Variants in DPYSL3 observed in about 807,000 individuals in gnomAD.
DPYSL3 encodes dihydropyrimidinase-related protein 3.
Under a neutral mutation model 66.1 loss-of-function variants are expected in DPYSL3, and 16 were observed. That is an observed-to-expected ratio of 0.24 (90% CI 0.16 to 0.37). DPYSL3 has a LOEUF of 0.37. DPYSL3 is among the 10% of genes least tolerant of loss of function. The pLI is 1.00. For missense variants in DPYSL3, 738 were observed against 916.2 expected (o/e 0.81, Z 2.51); for synonymous variants, 338 against 345.1 (o/e 0.98, Z 0.23).
At chr5:147,504,595 A>G (rs1753659551) in intron 1 of DPYSL3, among the ~76,000 whole-genome samples, 1 of 152,270 alleles carries the variant, frequency 6.6e-6, no homozygotes, top group South Asian at 2.1e-4. Flanking sequence ...TGTGCAGGAT[A>G]AAGAGGAGAA....
At chr5:147,500,932 C>T (rs1753597915) in intron 1 of DPYSL3, among the ~76,000 whole-genome samples, 1 of 152,176 alleles carries the variant, frequency 6.6e-6, no homozygotes, top group South Asian at 2.1e-4. Flanking sequence ...ACTAAATGTG[C>T]TCTCACCATG....
intron 1 of DPYSL3, among the ~76,000 whole-genome samples, chr5:147,481,131 G>T (rs1017712834): frequency 1.1e-4 from 16 of 152,110 alleles, no homozygotes; most frequent in African/African-American, 3.9e-4. Context: ...GTAGATAAGG[G>T]TGTAACTTTT....
chr5:147,458,024 C>T (rs1752877357), intron 1 of DPYSL3, among the ~76,000 whole-genome samples: 1 of 152,088 alleles, frequency 6.6e-6, no homozygotes, highest in South Asian at 2.1e-4. Context: ...AAATCATTTT[C>T]CAGGACAGTA....
At chr5:147,461,450 C>A (rs1003717974) in intron 1 of DPYSL3, among the ~76,000 whole-genome samples, 2 of 152,180 alleles carry the variant, frequency 1.3e-5, no homozygotes, top group Admixed American at 6.5e-5. Context: ...TGGGACCCCT[C>A]TCTCTGCAGC....
chr5:147,397,099 T>A (rs1459936861), intron 12 of DPYSL3, among the ~76,000 whole-genome samples: 1 of 148,374 alleles, frequency 6.7e-6, no homozygotes, highest in East Asian at 1.9e-4. Flanking sequence ...ATATTGTAAA[T>A]ATATATTTAA....
In DPYSL3 at chr5:147,509,844, C is replaced by T. The variant is rs1753734702; in HGVS notation, c.15G>A (p.Arg5=). 2 of 1,529,740 alleles carry T rather than the reference C, an allele frequency of 1.3e-6. No homozygotes were observed. Among genetic ancestry groups the T allele is most frequent in the Non-Finnish European group, 8.8e-7 (1 of 1,142,410 alleles). 94.8% of individuals were successfully genotyped at this position (1,529,740 alleles called of 1,614,324 possible). Residue 5 remains arginine (R), a synonymous_variant, in exon 1 of 14, where the codon CGG becomes CGA. Coordinates refer to ENST00000343218, the MANE Select transcript of DPYSL3 (RefSeq NM_001197294.2). This position sits in a 1 kb window ranked among gnomAD's most constrained non-coding sequence, Gnocchi z 5.3. MASG[R]RGWDSSHEDD... ...CTTCGTGGGAGCTGTCCCAGCCCCT[C>T]CGGCCCGAGGCCATGGTTCAAGCAC...
chr5:147,448,201 C>T (rs947775388), intron 1 of DPYSL3, among the ~76,000 whole-genome samples: 6 of 151,810 alleles, frequency 4.0e-5, no homozygotes, highest in Non-Finnish European at 7.4e-5. Context: ...CTGAAAGGAT[C>T]TTCATAACAT....
At chr5:147,477,836 C>A (rs377675888) in intron 1 of DPYSL3, among the ~76,000 whole-genome samples, 348 of 151,994 alleles carry the variant, frequency 2.3e-3, no homozygotes, top group African/African-American at 8.2e-3. Flanking sequence ...CCCGCCTCGG[C>A]CTCCCAAAGT....
chr5:147,402,677 T>C (rs1181469952), intron 8 of DPYSL3, among the ~76,000 whole-genome samples: 1 of 151,980 alleles, frequency 6.6e-6, no homozygotes, highest in East Asian at 1.9e-4. Context: ...TGTTTGTTAC[T>C]CCTAACATGA....
At chr5:147,432,958 A>T (rs1299657345) in intron 1 of DPYSL3, among the ~76,000 whole-genome samples, 1 of 152,194 alleles carries the variant, frequency 6.6e-6, no homozygotes, top group Admixed American at 6.5e-5. Context: ...TTATTTTGTT[A>T]AAAAGGAAGA....
intron 1 of DPYSL3, among the ~76,000 whole-genome samples, chr5:147,439,378 G>GAA (rs34893040): frequency 3.4e-5 from 5 of 148,284 alleles, no homozygotes; most frequent in African/African-American, 1.2e-4. Context: ...GTCCTAGGGA[G>GAA]AAAAAAAAAA....
Position 147,399,079 on chromosome 5 carries a change from T to C in DPYSL3, c.1623+3A>G. The stretch of plus-strand genomic sequence containing the variant: ...ACTCCACTCCCACCAGAGCGGGCCT[T>C]ACAGACTGGTGGTTCTTGGCAGAGA... On this transcript the variant is annotated splice_donor_region_variant and intron_variant, in intron 11 of 13. Transcript: ENST00000343218. 6.2e-7 allele frequency: 1 copy of C among 1,613,938 alleles called. No homozygotes were observed. The highest frequency in any genetic ancestry group is 1.3e-5 in the African/African-American group (1 of 75,034).
chr5:147,509,981 A>C lies in DPYSL3; in HGVS notation c.-123T>G. On this transcript the variant is annotated 5_prime_UTR_variant, in exon 1 of 14. Coordinates refer to ENST00000343218, the MANE Select transcript of DPYSL3 (RefSeq NM_001197294.2). The surrounding 1 kb of genome is among the most constrained non-coding windows in gnomAD (Gnocchi z 5.3). Reference sequence around the variant, plus strand: ...GGAGGCGCCTGAGCCTTCGCGCCAGAGGCGGCAGTGCTGCTCCGATTCCTG... The same window carrying C: ...GGAGGCGCCTGAGCCTTCGCGCCAGCGGCGGCAGTGCTGCTCCGATTCCTG... 1 of 1,390,182 alleles carries C rather than the reference A, an allele frequency of 7.2e-7. No individual in the cohort carries two copies. The highest frequency in any genetic ancestry group is 9.4e-7 in the Non-Finnish European group (1 of 1,059,882). The allele number at this position is 1,390,182 out of a possible 1,614,324, so 86.1% of individuals were successfully genotyped here.
chr5:147,427,874 T>C (rs531488246), intron 1 of DPYSL3, among the ~76,000 whole-genome samples: 1 of 152,274 alleles, frequency 6.6e-6, no homozygotes, highest in South Asian at 2.1e-4. Flanking sequence ...TTCTTCATCT[T>C]CCCAGCAAAG....
chr5:147,489,415 C>T (rs1753381986), intron 1 of DPYSL3, among the ~76,000 whole-genome samples: 1 of 152,168 alleles, frequency 6.6e-6, no homozygotes, highest in Non-Finnish European at 1.5e-5. Flanking sequence ...TTAATCCTGA[C>T]TTTGTCCATT....
chr5:147,464,919 T>G (rs2126415226), intron 1 of DPYSL3, among the ~76,000 whole-genome samples: 1 of 152,192 alleles, frequency 6.6e-6, no homozygotes, highest in East Asian at 1.9e-4. Flanking sequence ...AAATCTGAGG[T>G]CAGCTGTGGT....
intron 3 of DPYSL3, among the ~76,000 whole-genome samples, chr5:147,416,834 G>T (rs1323117637): frequency 1.3e-5 from 2 of 152,184 alleles, no homozygotes; most frequent in East Asian, 3.9e-4. Flanking sequence ...CAATAGAGAA[G>T]TTAGGTTAAA....
At position 147,493,596 on chromosome 5, in the gene DPYSL3, A is replaced by C. The variant is rs562622348; in HGVS notation, c.381+15882T>G. Among the ~76,000 whole-genome samples the C allele has an allele frequency of 8.6e-4, 131 of 152,138 alleles. 1 individual carries two copies. The highest frequency in any genetic ancestry group is 3.0e-3 in the African/African-American group (125 of 41,518). ...CTAAAAAAAAAGAAAGAAAGGAAGG[A>C]AGAAAGAAATAAAGAAAGAAGGAAA... On this transcript the variant is annotated intron_variant, in intron 1 of 13. Transcript: ENST00000343218.
At chr5:147,408,863 T>G in intron 6 of DPYSL3, 67 bp from the exon 7 acceptor site, 2 of 1,473,710 alleles carry the variant, frequency 1.4e-6, no homozygotes, top group Non-Finnish European at 1.9e-6. Flanking sequence ...TACGCTGGTA[T>G]GTTCTGATCT....
Sources: gnomAD v4.1 joint callset for allele counts (sites outside exome capture counted in the v4.1 genomes callset) on GRCh38, gnomAD v4.1.1 for gene constraint, Gnocchi (gnomAD v3.1) non-coding constraint, MANE v1.5 for transcripts, NCBI Gene and HGNC (gene_info 2026-07-23, HGNC 2026-07-21) for gene names.